The following CALN1 variants were observed in gnomAD, a reference collection of about 807,000 sequenced individuals.
CALN1 encodes calneuron 1, also known as calcium-binding protein 8.
Under a neutral mutation model 30.6 loss-of-function variants are expected in CALN1, and 17 were observed. The ratio of observed to expected loss-of-function variants is 0.56; its 90% CI spans 0.38 to 0.83. The LOEUF (loss-of-function observed/expected upper bound fraction) is 0.83. CALN1 is among the 40% of genes least tolerant of loss of function. The pLI, the probability that CALN1 is intolerant of heterozygous loss-of-function variation, is 0.00. For missense variants in CALN1, 291 were observed against 354.9 expected (o/e 0.82, Z 1.45); for synonymous variants, 156 against 131.4 (o/e 1.19, Z -1.28).
At chr7:72,162,921 A>G (rs1788220771) in intron 3 of CALN1, among the ~76,000 whole-genome samples, 1 of 152,214 alleles carries the variant, frequency 6.6e-6, no homozygotes, top group African/African-American at 2.4e-5. Flanking sequence ...TAGAAAGGAA[A>G]TATTCCAGAA....
chr7:72,355,240 A>G (rs1803158221), intron 2 of CALN1, among the ~76,000 whole-genome samples: 1 of 152,154 alleles, frequency 6.6e-6, no homozygotes, highest in African/African-American at 2.4e-5. Context: ...AAAAGGCACA[A>G]ATTGGCCGGC....
rs1171658430 is a variant in CALN1 at position 71,782,495 on chromosome 7, C to T, written c.*5280G>A. On this transcript the variant is annotated 3_prime_UTR_variant, in exon 7 of 7. Coordinates refer to ENST00000395275, the MANE Select transcript of CALN1 (RefSeq NM_031468.4). ...TAAACCTCTTTTCTTTATAAATTAC[C>T]CAGTGTTAAGGTATTCCTTTATAGC... 2.0e-5 allele frequency: 3 copies of T among 152,172 alleles called. No homozygotes were observed. The highest frequency in any genetic ancestry group is 2.9e-5 in the Non-Finnish European group (2 of 68,062). The allele number at this position is 152,172 out of a possible 1,614,324, so 9.4% of individuals were successfully genotyped here.
At chr7:71,792,078 CT>C (rs1378468744) in intron 6 of CALN1, among the ~76,000 whole-genome samples, 1 of 152,144 alleles carries the variant, frequency 6.6e-6, no homozygotes, top group Non-Finnish European at 1.5e-5. Context: ...AGAAAATGCA[CT>C]TCAAATGCTG....
intron 5 of CALN1, among the ~76,000 whole-genome samples, chr7:71,974,841 G>C (rs1372756219): frequency 6.6e-6 from 1 of 152,196 alleles, no homozygotes; most frequent in East Asian, 1.9e-4. Flanking sequence ...GGTTGGACTG[G>C]TGCAATTCCG....
chr7:72,241,396 C>CA (rs1221837797), intron 3 of CALN1, among the ~76,000 whole-genome samples: 5 of 152,028 alleles, frequency 3.3e-5, no homozygotes, highest in African/African-American at 1.2e-4. Context: ...TTTTCCCCCC[C>CA]ACACATTTAC....
At chr7:72,291,964 C>T (rs6460711) in intron 2 of CALN1, among the ~76,000 whole-genome samples, 120,830 of 151,106 alleles carry the variant, frequency 0.8, 49,654 homozygotes, top group Middle Eastern at 0.93. Flanking sequence ...TAGGGGCCAC[C>T]GCACTTCAGC....
intron 5 of CALN1, among the ~76,000 whole-genome samples, chr7:71,930,380 CTG>C (rs1252526812): frequency 2.6e-5 from 4 of 152,100 alleles, no homozygotes; most frequent in African/African-American, 9.7e-5. Flanking sequence ...CTTAGGAAAA[CTG>C]TATTTTTTAG....
chr7:72,235,813 C>A (rs1330495763), intron 3 of CALN1, among the ~76,000 whole-genome samples: 2 of 152,054 alleles, frequency 1.3e-5, no homozygotes, highest in African/African-American at 4.8e-5. Flanking sequence ...ACCACTGTCC[C>A]TTTGGTTCTT....
In CALN1 at chr7:72,048,393, GGCC is replaced by G. The variant is rs1461246167; in HGVS notation, c.389-24627_389-24625del. 3.3e-5 allele frequency among the ~76,000 whole-genome samples: 5 copies of G among 151,994 alleles called. No homozygotes were observed. The East Asian group carries it at 5.8e-4, about 18-fold the overall frequency. ...TTGTTTTTTGGGTATGCATTATAAG[GGCC>G]GCCATGTGTGAGTAGAGCAGCACCT... On this transcript the variant is annotated intron_variant, in intron 4 of 6. Transcript: ENST00000395275.
chr7:72,142,046 C>T (rs888773321), intron 3 of CALN1, among the ~76,000 whole-genome samples: 5 of 152,286 alleles, frequency 3.3e-5, no homozygotes, highest in Middle Eastern at 3.4e-3. Context: ...CCAGCGTGAG[C>T]GACGCAGAAG....
chr7:72,499,830 T>C, the CALN1 span, among the ~76,000 whole-genome samples: 1,213 of 28,848 alleles, frequency 0.042, 44 homozygotes, highest in African/African-American at 0.089. Context: ...TCCTTCCTTC[T>C]TTCTTTCTTT....
intron 6 of CALN1, among the ~76,000 whole-genome samples, chr7:71,808,432 G>C (rs532077084): frequency 2.0e-5 from 3 of 151,450 alleles, no homozygotes; most frequent in Admixed American, 6.6e-5. Context: ...AATACTTGCA[G>C]TATGGTTATT....
At chr7:71,977,061 TCTGCTTATGA>T (rs1798135761) in intron 5 of CALN1, among the ~76,000 whole-genome samples, 1 of 152,214 alleles carries the variant, frequency 6.6e-6, no homozygotes, top group African/African-American at 2.4e-5. Flanking sequence ...GACACTTCTG[TCTGCTTATGA>T]GTTGACTTTC....
At chr7:72,389,841 C>G (rs1233153356) in intron 2 of CALN1, among the ~76,000 whole-genome samples, 5 of 151,936 alleles carry the variant, frequency 3.3e-5, no homozygotes, top group African/African-American at 9.7e-5. Context: ...ATCCCTTGAA[C>G]CCGGGAGGCG....
chr7:72,298,435 T>C (rs1799016763), intron 2 of CALN1, among the ~76,000 whole-genome samples: 1 of 152,198 alleles, frequency 6.6e-6, no homozygotes, highest in Non-Finnish European at 1.5e-5. Flanking sequence ...CTGTCCAATC[T>C]GATGAACTCC....
intron 5 of CALN1, among the ~76,000 whole-genome samples, chr7:71,866,295 C>G (rs191343182): frequency 7.2e-4 from 110 of 152,254 alleles, no homozygotes; most frequent in African/African-American, 1.9e-3. Context: ...GCATGAGGCA[C>G]CGCGCCCAGC....
chr7:72,487,514 C>T, the CALN1 span, among the ~76,000 whole-genome samples: 8 of 151,202 alleles, frequency 5.3e-5, no homozygotes, highest in East Asian at 7.8e-4. Flanking sequence ...GGTGACACCC[C>T]GTCTCTACTG....
At chr7:72,261,352 C>T (rs1035851013) in intron 3 of CALN1, among the ~76,000 whole-genome samples, 18 of 151,834 alleles carry the variant, frequency 1.2e-4, no homozygotes, top group Admixed American at 9.2e-4. Flanking sequence ...TCTATCCGTA[C>T]ACATGAGCAT....
intron 5 of CALN1, among the ~76,000 whole-genome samples, chr7:71,888,436 A>C (rs1434410608): frequency 1.3e-5 from 2 of 148,578 alleles, no homozygotes; most frequent in African/African-American, 5.0e-5. Context: ...CATTATCGAG[A>C]GAGAGAGAGA....
Sources: gnomAD v4.1 joint callset for allele counts (sites outside exome capture counted in the v4.1 genomes callset) on GRCh38, gnomAD v4.1.1 for gene constraint, MANE v1.5 for transcripts, NCBI Gene and HGNC (gene_info 2026-07-23, HGNC 2026-07-21) for gene names.